Variants in PSMD14 observed in about 807,000 individuals in gnomAD.
PSMD14 encodes the protein proteasome 26S subunit, non-ATPase 14, also known as ubiquitin C-terminal hydrolase PSMD14.
A neutral mutation model predicts 41.2 loss-of-function variants in PSMD14; 7 were observed. That is an observed-to-expected ratio of 0.17 (90% confidence interval 0.10 to 0.32). The LOEUF (loss-of-function observed/expected upper bound fraction) is 0.32, where lower values mean the gene tolerates loss of function less well. Among genes scored for constraint, PSMD14 ranks in the 10% least tolerant of loss-of-function variants. The pLI, the probability that PSMD14 is intolerant of heterozygous loss-of-function variation, is 1.00. For missense variants in PSMD14, 139 were observed against 375.6 expected (o/e 0.37, Z 5.21); for synonymous variants, 114 against 122.3 (o/e 0.93, Z 0.45).
chr2:161,367,553 G>C lies in PSMD14; in HGVS notation c.120+4G>C. On this transcript the variant is annotated splice_donor_region_variant and intron_variant, in intron 4 of 11. Transcript: ENST00000409682. ...CTCTTCCCTGGCACTGTTAAAAGTA[G>C]GTAATGAATGTAGTTACTTGCTTTA... 3 of 1,590,190 alleles carry C rather than the reference G, an allele frequency of 1.9e-6. No individual in the cohort carries two copies. The highest frequency in any genetic ancestry group is 2.6e-6 in the Non-Finnish European group (3 of 1,166,286).
intron 3 of PSMD14, among the ~76,000 whole-genome samples, chr2:161,322,675 C>T (rs1433730396): frequency 6.6e-6 from 1 of 152,036 alleles, no homozygotes; most frequent in East Asian, 1.9e-4. Context: ...CAGATGTGAA[C>T]CATTGCGCCC....
At chr2:161,335,041 A>G (rs1030257765) in intron 3 of PSMD14, among the ~76,000 whole-genome samples, 1 of 152,254 alleles carries the variant, frequency 6.6e-6, no homozygotes, top group African/African-American at 2.4e-5. Flanking sequence ...AACCTCTACC[A>G]TGCCTCAGAA....
intron 3 of PSMD14, among the ~76,000 whole-genome samples, chr2:161,328,320 T>C (rs1574117002): frequency 6.6e-6 from 1 of 152,158 alleles, no homozygotes; most frequent in Admixed American, 6.6e-5. Flanking sequence ...ATGAACTAGG[T>C]TCTATATACC....
intron 3 of PSMD14, among the ~76,000 whole-genome samples, chr2:161,323,338 TAA>T (rs1682638370): frequency 6.6e-6 from 1 of 152,168 alleles, no homozygotes; most frequent in Admixed American, 6.6e-5. Context: ...ACAAAACAAC[TAA>T]GTTTTATTTT....
chr2:161,349,208 A>G (rs1480219651), intron 3 of PSMD14, among the ~76,000 whole-genome samples: 2 of 152,240 alleles, frequency 1.3e-5, no homozygotes, highest in Non-Finnish European at 2.9e-5. Context: ...TTTTATAAGT[A>G]TGCGTCAAAT....
At chr2:161,368,761 C>G (rs922404606) in intron 5 of PSMD14, among the ~76,000 whole-genome samples, 2 of 151,908 alleles carry the variant, frequency 1.3e-5, no homozygotes, top group Non-Finnish European at 2.9e-5. Context: ...GCTGTTAGTT[C>G]TATTCGAAGT....
chr2:161,324,220 G>A (rs1004329211), intron 3 of PSMD14, among the ~76,000 whole-genome samples: 2 of 152,144 alleles, frequency 1.3e-5, no homozygotes, highest in African/African-American at 4.8e-5. Flanking sequence ...ATTCCAAGAC[G>A]AACAAGAATA....
chr2:161,341,312 G>A (rs1228366647), intron 3 of PSMD14: 5 of 1,017,888 alleles, frequency 4.9e-6, no homozygotes, highest in East Asian at 1.8e-4. Context: ...CCAGCAGCTC[G>A]GCCGGCGCCT....
At chr2:161,357,915 T>TTA (rs397779981) in intron 3 of PSMD14, among the ~76,000 whole-genome samples, 10 of 151,850 alleles carry the variant, frequency 6.6e-5, no homozygotes, top group African/African-American at 2.4e-4. Context: ...TTTTTTTTTT[T>TTA]AATGGTGGTG....
intron 3 of PSMD14, among the ~76,000 whole-genome samples, chr2:161,325,618 T>C (rs1463952101): frequency 4.6e-5 from 7 of 152,156 alleles, no homozygotes; most frequent in Admixed American, 3.9e-4. Flanking sequence ...CAACCCAGTT[T>C]CAATAAAAAT....
At chr2:161,402,589 C>T (rs1272850602) in intron 10 of PSMD14, among the ~76,000 whole-genome samples, 2 of 151,852 alleles carry the variant, frequency 1.3e-5, no homozygotes, top group Admixed American at 6.6e-5. Context: ...TGCAATGAAC[C>T]GTGATCATAC....
intron 3 of PSMD14, among the ~76,000 whole-genome samples, chr2:161,327,316 G>A (rs1468725511): frequency 1.3e-5 from 2 of 152,108 alleles, no homozygotes; most frequent in Non-Finnish European, 2.9e-5. Context: ...TTGGTTGTGC[G>A]ACAGTGTTAA....
At chr2:161,326,251 G>C (rs913755815) in intron 3 of PSMD14, among the ~76,000 whole-genome samples, 5 of 151,960 alleles carry the variant, frequency 3.3e-5, no homozygotes, top group Non-Finnish European at 1.5e-5. Flanking sequence ...GGCTGGTCTC[G>C]AACTTCTGAC....
At chr2:161,311,940 G>A (rs1689092960) in intron 1 of PSMD14, among the ~76,000 whole-genome samples, 1 of 151,824 alleles carries the variant, frequency 6.6e-6, no homozygotes, top group Non-Finnish European at 1.5e-5. Context: ...CTAAGTTGCG[G>A]AAATCTTGCT....
At chr2:161,374,160 G>C (rs1683474879) in intron 7 of PSMD14, among the ~76,000 whole-genome samples, 1 of 151,850 alleles carries the variant, frequency 6.6e-6, no homozygotes, top group Non-Finnish European at 1.5e-5. Flanking sequence ...AGTAACTGCA[G>C]AATGCAAAAT....
intron 10 of PSMD14, among the ~76,000 whole-genome samples, chr2:161,404,878 C>T (rs3769958): frequency 0.85 from 128,723 of 152,222 alleles, 54,652 homozygotes; most frequent in African/African-American, 0.93. Flanking sequence ...TCAGCCCTTG[C>T]CTTTCTGCTC....
intron 10 of PSMD14, among the ~76,000 whole-genome samples, chr2:161,401,146 T>A (rs1373690105): frequency 2.0e-5 from 3 of 152,140 alleles, no homozygotes; most frequent in Non-Finnish European, 4.4e-5. Context: ...AGTACGGTAC[T>A]GTAAATGTAT....
chr2:161,362,419 C>T (rs1345889666), intron 3 of PSMD14, among the ~76,000 whole-genome samples: 3 of 152,112 alleles, frequency 2.0e-5, no homozygotes, highest in Non-Finnish European at 4.4e-5. Flanking sequence ...ATCTTTTTAA[C>T]TGCATTCAGT....
chr2:161,398,554 G>GA (rs1683834044), intron 10 of PSMD14, among the ~76,000 whole-genome samples: 1 of 151,166 alleles, frequency 6.6e-6, no homozygotes. Context: ...TTTTAATTTT[G>GA]ATAATGTTTG....
Sources: allele counts gnomAD v4.1 joint callset (sites outside exome capture counted in the v4.1 genomes callset), GRCh38; gene constraint gnomAD v4.1.1; transcripts MANE v1.5; gene names NCBI Gene and HGNC (gene_info 2026-07-23, HGNC 2026-07-21).